BNC2: variants seen among roughly 807,000 people sequenced by gnomAD.
BNC2 encodes the protein zinc finger protein basonuclin-2.
In BNC2, 20 loss-of-function variants were observed where a neutral mutation model predicts 76.3. The ratio of observed to expected loss-of-function variants is 0.26; its 90% CI spans 0.18 to 0.38. BNC2 has a LOEUF of 0.38. BNC2 is among the 10% of genes least tolerant of loss of function. The probability of loss-of-function intolerance (pLI) is 1.00; values close to 1 mark genes in which losing one functional copy is unlikely to be tolerated. For missense variants in BNC2, 1,382 were observed against 1,399.8 expected (o/e 0.99, Z 0.20); for synonymous variants, 582 against 514.8 (o/e 1.13, Z -1.77).
chr9:16,734,645 T>G (rs1410517586), intron 2 of BNC2, among the ~76,000 whole-genome samples: 2 of 152,208 alleles, frequency 1.3e-5, no homozygotes, highest in African/African-American at 4.8e-5. Context: ...CAGTTTTCAG[T>G]TAGTTTGGTT....
At chr9:16,454,428 G>C (rs1185554283) in intron 5 of BNC2, among the ~76,000 whole-genome samples, 1 of 152,052 alleles carries the variant, frequency 6.6e-6, no homozygotes, top group African/African-American at 2.4e-5. Context: ...AGCCTCTCAA[G>C]TAGCTAGGAC....
chr9:16,542,073 C>A (rs940791653), intron 5 of BNC2, among the ~76,000 whole-genome samples: 1 of 152,114 alleles, frequency 6.6e-6, no homozygotes, highest in East Asian at 1.9e-4. Flanking sequence ...ATTACTCACA[C>A]TAACTAGAAA....
rs532249442 is a variant in BNC2 at position 16,631,859 on chromosome 9, T to C, written c.331-48774A>G. On this transcript the variant is annotated intron_variant, in intron 3 of 6. Transcript: ENST00000380672. ...CAACTTCAGAAAAAAAGACAGAACATAATGAAGCTTAAATACAAGTTTAGT... is the reference window on the plus strand; with the variant it reads ...CAACTTCAGAAAAAAAGACAGAACACAATGAAGCTTAAATACAAGTTTAGT... Among the ~76,000 whole-genome samples the C allele has an allele frequency of 3.6e-4, 54 of 152,020 alleles. No individual in the cohort carries two copies. In the South Asian group the frequency reaches 5.0e-3, roughly 14 times the overall value.
chr9:16,431,025 A>G (rs1820898023), intron 6 of BNC2, among the ~76,000 whole-genome samples: 1 of 152,230 alleles, frequency 6.6e-6, no homozygotes, highest in Non-Finnish European at 1.5e-5. Context: ...AATTTAAGAC[A>G]AACCTTGACA....
intron 1 of BNC2, among the ~76,000 whole-genome samples, chr9:16,838,677 A>G (rs1368550263): frequency 6.6e-6 from 1 of 152,224 alleles, no homozygotes; most frequent in Admixed American, 6.5e-5. Flanking sequence ...ATAATGGTAA[A>G]TCCAGTGTTT....
chr9:16,696,737 T>G (rs1429729628), intron 3 of BNC2, among the ~76,000 whole-genome samples: 1 of 152,168 alleles, frequency 6.6e-6, no homozygotes, highest in Non-Finnish European at 1.5e-5. Flanking sequence ...ATGTTACAAA[T>G]AGAGTGATTT....
intron 5 of BNC2, among the ~76,000 whole-genome samples, chr9:16,520,358 A>G (rs1368285757): frequency 6.6e-6 from 1 of 152,214 alleles, no homozygotes; most frequent in African/African-American, 2.4e-5. Flanking sequence ...AAAACCTTGA[A>G]CAAGAAAGAA....
chr9:16,721,105 G>C (rs545130932), intron 3 of BNC2, among the ~76,000 whole-genome samples: 1 of 152,240 alleles, frequency 6.6e-6, no homozygotes, highest in Admixed American at 6.5e-5. Flanking sequence ...GGAAATGTGG[G>C]GACCCTGGAT....
chr9:16,786,225 T>C (rs909436506), intron 1 of BNC2, among the ~76,000 whole-genome samples: 3 of 152,216 alleles, frequency 2.0e-5, no homozygotes, highest in African/African-American at 7.2e-5. Context: ...GGAAATTTGC[T>C]TTCTCTTAAC....
At chr9:16,502,556 C>T (rs780220742) in intron 5 of BNC2, among the ~76,000 whole-genome samples, 8 of 151,944 alleles carry the variant, frequency 5.3e-5, no homozygotes, top group Non-Finnish European at 1.0e-4. Flanking sequence ...CTTTTTTCCC[C>T]CCCTCTTACT....
chr9:16,436,574 A>G lies in BNC2; in HGVS notation c.1620T>C (p.Gly540=). The G allele has an allele frequency of 6.2e-7, 1 of 1,613,932 alleles. No homozygotes were observed. Among genetic ancestry groups the G allele is most frequent in the South Asian group, 1.1e-5 (1 of 91,054 alleles). Residue 540 remains glycine (G), a synonymous_variant, in exon 6 of 7, where the codon GGT becomes GGC. Coordinates refer to ENST00000380672, the MANE Select transcript of BNC2 (RefSeq NM_017637.6). ...CAGGGTCTAGAGGGGGAGTGGTAAAACCCATTGGGGGTCGGCCAGGGCTTG... is the reference window on the plus strand; with the variant it reads ...CAGGGTCTAGAGGGGGAGTGGTAAAGCCCATTGGGGGTCGGCCAGGGCTTG... ...ALTSPGRPPM[G]FTTPPLDPVL...
chr9:16,428,520 T>A (rs2119299434), intron 6 of BNC2, among the ~76,000 whole-genome samples: 1 of 152,362 alleles, frequency 6.6e-6, no homozygotes, highest in South Asian at 2.1e-4. Flanking sequence ...TGTGGATGTT[T>A]ATGTGTAAAC....
chr9:16,756,092 C>G (rs1327765730), intron 1 of BNC2, among the ~76,000 whole-genome samples: 3 of 152,220 alleles, frequency 2.0e-5, no homozygotes, highest in East Asian at 3.9e-4. Context: ...ACAACCCTTT[C>G]TTTGTCTCTC....
chr9:16,572,652 G>C lies in BNC2; in HGVS notation c.433+10331C>G, dbSNP rs1370561310. Among the ~76,000 whole-genome samples the C allele has an allele frequency of 2.0e-5, 3 of 152,112 alleles. No homozygotes were observed. In the South Asian group the frequency reaches 6.2e-4, roughly 32 times the overall value. ...GGAGCACTTAATTGCTCCGGGGGTG[G>C]GGAGTGGTGGTGCAGAGGGGAGTAA... On this transcript the variant is annotated intron_variant, in intron 4 of 6. Transcript: ENST00000380672.
chr9:16,435,047 G>A (rs1820976962), intron 6 of BNC2: 1 of 471,362 alleles, frequency 2.1e-6, no homozygotes, highest in African/African-American at 2.0e-5. Context: ...CGGAGATGCA[G>A]GCTGTCTCGA....
At chr9:16,598,006 G>A (rs1418883552) in intron 3 of BNC2, among the ~76,000 whole-genome samples, 1 of 152,106 alleles carries the variant, frequency 6.6e-6, no homozygotes, top group South Asian at 2.1e-4. Flanking sequence ...CTTGATGAAA[G>A]AGACCCTATG....
chr9:16,532,396 T>C (rs571642627), intron 5 of BNC2, among the ~76,000 whole-genome samples: 17 of 152,286 alleles, frequency 1.1e-4, no homozygotes, highest in Non-Finnish European at 2.1e-4. Context: ...TGTTTAGTAA[T>C]GTGAGCTGAA....
At chr9:16,428,017 C>T (rs1820833866) in intron 6 of BNC2, among the ~76,000 whole-genome samples, 1 of 152,008 alleles carries the variant, frequency 6.6e-6, no homozygotes. Flanking sequence ...AACCATTCAC[C>T]ATTGAAGTTA....
intron 1 of BNC2, among the ~76,000 whole-genome samples, chr9:16,846,560 A>T (rs1201058393): frequency 6.6e-6 from 1 of 152,222 alleles, no homozygotes; most frequent in Non-Finnish European, 1.5e-5. Context: ...ACAAGGCTGC[A>T]GCTCAGAAAC....
Sources: gnomAD v4.1 joint callset for allele counts (sites outside exome capture counted in the v4.1 genomes callset) on GRCh38, gnomAD v4.1.1 for gene constraint, MANE v1.5 for transcripts, NCBI Gene and HGNC (gene_info 2026-07-23, HGNC 2026-07-21) for gene names.